Variants in TASP1 observed in about 807,000 individuals in gnomAD.
The protein encoded by TASP1 is threonine aspartase 1.
In TASP1, 16 loss-of-function variants were observed where a neutral mutation model predicts 56.6. The observed-to-expected ratio is 0.28, with a 90% confidence interval of 0.19 to 0.43. The LOEUF (loss-of-function observed/expected upper bound fraction) is 0.43. Ranked by LOEUF, TASP1 falls within the 20% of genes least tolerant of loss-of-function variation. The pLI, the probability that TASP1 is intolerant of heterozygous loss-of-function variation, is 1.00. For synonymous variants in TASP1, 179 were observed against 184.2 expected (o/e 0.97, Z 0.23); for missense variants, 393 against 511.6 (o/e 0.77, Z 2.24).
the TASP1 span, among the ~76,000 whole-genome samples, chr20:13,155,441 G>A: frequency 6.6e-6 from 1 of 152,236 alleles, no homozygotes; most frequent in East Asian, 1.9e-4. Context: ...AAAACTCATG[G>A]AGGGCAAGAC....
At chr20:13,486,127 A>G (rs1420654264) in intron 10 of TASP1, among the ~76,000 whole-genome samples, 6 of 152,208 alleles carry the variant, frequency 3.9e-5, no homozygotes, top group Admixed American at 1.3e-4. Flanking sequence ...CCAATCAAAG[A>G]AAGTTTGACT....
At chr20:13,289,513 A>T in the TASP1 span, among the ~76,000 whole-genome samples, 1 of 152,174 alleles carries the variant, frequency 6.6e-6, no homozygotes, top group Non-Finnish European at 1.5e-5. Flanking sequence ...AATAATTGTG[A>T]TTGACTATAG....
intron 11 of TASP1, among the ~76,000 whole-genome samples, chr20:13,460,961 G>A (rs1268441007): frequency 1.3e-5 from 2 of 151,992 alleles, no homozygotes; most frequent in South Asian, 2.1e-4. Flanking sequence ...ACTCTTCAAG[G>A]CTCCCATCTT....
At chr20:13,163,712 GA>G in the TASP1 span, among the ~76,000 whole-genome samples, 1 of 151,650 alleles carries the variant, frequency 6.6e-6, no homozygotes, top group Non-Finnish European at 1.5e-5. Flanking sequence ...TCCCAAAGAG[GA>G]AAGTCCATAA....
chr20:13,512,538 C>T (rs966128672), intron 10 of TASP1, among the ~76,000 whole-genome samples: 1 of 152,136 alleles, frequency 6.6e-6, no homozygotes, highest in Non-Finnish European at 1.5e-5. Context: ...AAACTTTTCT[C>T]CCATTCTGTA....
the TASP1 span, among the ~76,000 whole-genome samples, chr20:13,378,221 A>T: frequency 0.011 from 1,635 of 152,276 alleles, 26 homozygotes; most frequent in African/African-American, 0.038. Context: ...AGTGCTATAA[A>T]TTTCCCTCTT....
intron 8 of TASP1, among the ~76,000 whole-genome samples, chr20:13,538,207 T>G (rs866277967): frequency 8.5e-5 from 13 of 152,232 alleles, no homozygotes; most frequent in African/African-American, 3.1e-4. Flanking sequence ...TTTCACTATG[T>G]TAGCCAGGCT....
the TASP1 span, among the ~76,000 whole-genome samples, chr20:13,224,844 T>TC: frequency 5.9e-5 from 7 of 118,260 alleles, no homozygotes; most frequent in African/African-American, 1.6e-4. Context: ...TTTCTTTCTT[T>TC]TTTTTTTTTT....
chr20:13,125,154 C>T, the TASP1 span, among the ~76,000 whole-genome samples: 1 of 152,176 alleles, frequency 6.6e-6, no homozygotes, highest in Non-Finnish European at 1.5e-5. Context: ...CTGCAGATGC[C>T]AGCTCTGAGG....
chr20:13,548,848 A>G (rs1027416148), intron 8 of TASP1, among the ~76,000 whole-genome samples: 1 of 152,152 alleles, frequency 6.6e-6, no homozygotes, highest in Non-Finnish European at 1.5e-5. Flanking sequence ...CCGGCCCAAT[A>G]GCTTACCCAT....
At chr20:13,571,947 A>G (rs771465103) in intron 6 of TASP1, among the ~76,000 whole-genome samples, 9 of 152,040 alleles carry the variant, frequency 5.9e-5, no homozygotes, top group Non-Finnish European at 1.2e-4. Flanking sequence ...ATTCCTTCAC[A>G]TGCTCAAATA....
At chr20:13,223,162 A>ATAAAAT in the TASP1 span, among the ~76,000 whole-genome samples, 126 of 146,068 alleles carry the variant, frequency 8.6e-4, 1 homozygote, top group South Asian at 9.9e-3. Context: ...GTCTCAAAAA[A>ATAAAAT]AAAATAAAAT....
the TASP1 span, among the ~76,000 whole-genome samples, chr20:13,365,529 G>C: frequency 6.6e-6 from 1 of 152,202 alleles, no homozygotes. Context: ...TTGAGCATAG[G>C]CCTGAATGAT....
intron 13 of TASP1, among the ~76,000 whole-genome samples, chr20:13,394,318 A>AAAAAAAAAAAAG (rs1568741093): frequency 2.0e-5 from 3 of 146,524 alleles, no homozygotes; most frequent in African/African-American, 7.7e-5. Flanking sequence ...AAAAAAAAAA[A>AAAAAAAAAAAAG]AAAAAAAAAA....
the TASP1 span, among the ~76,000 whole-genome samples, chr20:13,118,338 AT>A: frequency 7.6e-4 from 115 of 150,600 alleles, 2 homozygotes; most frequent in East Asian, 0.02. Context: ...AAATCCTGCC[AT>A]TCTCCAATAT....
At chr20:13,475,424 T>G (rs2044690132) in intron 11 of TASP1, among the ~76,000 whole-genome samples, 1 of 152,206 alleles carries the variant, frequency 6.6e-6, no homozygotes, top group Non-Finnish European at 1.5e-5. Flanking sequence ...GTGCATGTCA[T>G]CTGGTACATA....
the TASP1 span, among the ~76,000 whole-genome samples, chr20:13,146,036 C>A: frequency 1.1e-4 from 16 of 152,282 alleles, 2 homozygotes; most frequent in African/African-American, 3.9e-4. Context: ...AAATCCTTAT[C>A]AATGACAGAC....
At chr20:13,187,172 CA>C in the TASP1 span, among the ~76,000 whole-genome samples, 1 of 151,640 alleles carries the variant, frequency 6.6e-6, no homozygotes, top group African/African-American at 2.4e-5. Flanking sequence ...AGAAACTTCC[CA>C]AACTGAAATG....
chr20:13,252,056 G>A, the TASP1 span, among the ~76,000 whole-genome samples: 2 of 152,162 alleles, frequency 1.3e-5, no homozygotes, highest in Non-Finnish European at 1.5e-5. Flanking sequence ...GTTGGGGGCT[G>A]TGAGATTTAT....
Sources: gnomAD v4.1 joint callset for allele counts (sites outside exome capture counted in the v4.1 genomes callset) on GRCh38, gnomAD v4.1.1 for gene constraint, MANE v1.5 for transcripts, NCBI Gene and HGNC (gene_info 2026-07-23, HGNC 2026-07-21) for gene names.